The following NKAIN2 variants were observed in gnomAD, a reference collection of about 807,000 sequenced individuals.
NKAIN2 encodes the protein sodium/potassium-transporting ATPase subunit beta-1-interacting protein 2.
A neutral mutation model predicts 32.6 loss-of-function variants in NKAIN2; 14 were observed. That is an observed-to-expected ratio of 0.43 (90% CI 0.28 to 0.67). The LOEUF (loss-of-function observed/expected upper bound fraction) is 0.67. Among genes scored for constraint, NKAIN2 ranks in the 30% least tolerant of loss-of-function variants. The pLI is 0.17. For synonymous variants in NKAIN2, 80 were observed against 87.2 expected, an observed-to-expected ratio of 0.92 and a Z score of 0.46; for missense variants, 198 against 258.3, an observed-to-expected ratio of 0.77 and a Z score of 1.60.
chr6:124,581,001 ATATG>A (rs1004758903), intron 3 of NKAIN2, among the ~76,000 whole-genome samples: 2 of 152,224 alleles, frequency 1.3e-5, no homozygotes, highest in African/African-American at 4.8e-5. Flanking sequence ...GTTTAAATAT[ATATG>A]CACACAACAC....
At chr6:124,362,829 G>T (rs1255299405) in intron 3 of NKAIN2, among the ~76,000 whole-genome samples, 2 of 152,012 alleles carry the variant, frequency 1.3e-5, no homozygotes, top group Non-Finnish European at 2.9e-5. Flanking sequence ...AAAGGAAAAA[G>T]AATTTTATTA....
intron 1 of NKAIN2, among the ~76,000 whole-genome samples, chr6:123,866,373 A>AG (rs1452448925): frequency 6.7e-6 from 1 of 149,896 alleles, no homozygotes. Context: ...TCTCCTTCCT[A>AG]GGCATTTCGA....
intron 3 of NKAIN2, among the ~76,000 whole-genome samples, chr6:124,546,370 A>G (rs940603160): frequency 2.0e-5 from 3 of 152,098 alleles, no homozygotes; most frequent in African/African-American, 4.8e-5. Flanking sequence ...TTGTTGAATA[A>G]TTGCTCTTTA....
intron 3 of NKAIN2, among the ~76,000 whole-genome samples, chr6:124,442,263 T>C (rs1178972193): frequency 6.6e-6 from 1 of 152,062 alleles, no homozygotes; most frequent in Non-Finnish European, 1.5e-5. Context: ...CATGACATGA[T>C]AACCATTGGA....
chr6:123,882,940 G>A (rs963816321), intron 1 of NKAIN2, among the ~76,000 whole-genome samples: 1 of 152,076 alleles, frequency 6.6e-6, no homozygotes, highest in African/African-American at 2.4e-5. Flanking sequence ...CTGGTGAAAC[G>A]GTGAGCCTTC....
chr6:124,459,639 G>A (rs1484350243), intron 3 of NKAIN2, among the ~76,000 whole-genome samples: 1 of 151,778 alleles, frequency 6.6e-6, no homozygotes, highest in Non-Finnish European at 1.5e-5. Flanking sequence ...GATGAGAGAA[G>A]AATGTTGGAG....
At chr6:124,005,151 G>A (rs1780026649) in intron 1 of NKAIN2, among the ~76,000 whole-genome samples, 1 of 152,084 alleles carries the variant, frequency 6.6e-6, no homozygotes, top group South Asian at 2.1e-4. Flanking sequence ...CTTGAATCTG[G>A]GAGGTGGAGG....
chr6:124,321,124 T>C (rs1177769533), intron 2 of NKAIN2, among the ~76,000 whole-genome samples: 1 of 152,162 alleles, frequency 6.6e-6, no homozygotes, highest in Non-Finnish European at 1.5e-5. Flanking sequence ...AATAAGTATT[T>C]TCACTGAAAT....
intron 1 of NKAIN2, among the ~76,000 whole-genome samples, chr6:123,841,179 G>A (rs771658832): frequency 2.4e-4 from 36 of 152,300 alleles, no homozygotes; most frequent in Non-Finnish European, 4.7e-4. Flanking sequence ...AGAAAAAGAA[G>A]CTTAAACATC....
At chr6:124,707,866 T>C (rs1175564016) in intron 4 of NKAIN2, among the ~76,000 whole-genome samples, 1 of 152,228 alleles carries the variant, frequency 6.6e-6, no homozygotes, top group Non-Finnish European at 1.5e-5. Context: ...TCTGTGAATT[T>C]TGTCTTTTGT....
chr6:124,027,680 A>T (rs901367667), intron 1 of NKAIN2, among the ~76,000 whole-genome samples: 3 of 151,998 alleles, frequency 2.0e-5, no homozygotes, highest in African/African-American at 7.2e-5. Context: ...CTTTTGATAC[A>T]TCTCTTTCAC....
chr6:124,418,192 G>A (rs1774581720), intron 3 of NKAIN2, among the ~76,000 whole-genome samples: 1 of 151,980 alleles, frequency 6.6e-6, no homozygotes, highest in Non-Finnish European at 1.5e-5. Context: ...GTGTGTGTGT[G>A]TTTGTATGGT....
chr6:124,567,505 G>A (rs1780963730), intron 3 of NKAIN2, among the ~76,000 whole-genome samples: 2 of 152,176 alleles, frequency 1.3e-5, no homozygotes, highest in South Asian at 4.1e-4. Context: ...CTCCGTGAGG[G>A]TAGGGACCAT....
At chr6:123,892,723 G>A (rs1414280763) in intron 1 of NKAIN2, among the ~76,000 whole-genome samples, 3 of 151,764 alleles carry the variant, frequency 2.0e-5, no homozygotes, top group Non-Finnish European at 4.4e-5. Context: ...AACAAATGTA[G>A]ATTTGTATCT....
At chr6:124,222,627 A>G (rs1791893411) in intron 1 of NKAIN2, among the ~76,000 whole-genome samples, 1 of 152,152 alleles carries the variant, frequency 6.6e-6, no homozygotes, top group Admixed American at 6.5e-5. Flanking sequence ...GTCAGGTGAT[A>G]TCACCCAGAA....
intron 4 of NKAIN2, among the ~76,000 whole-genome samples, chr6:124,700,173 T>A (rs1012210915): frequency 1.3e-5 from 2 of 152,184 alleles, no homozygotes; most frequent in African/African-American, 2.4e-5. Context: ...TGAGTGACTC[T>A]AATTATTGTT....
At chr6:124,118,015 A>AT (rs1016585948) in intron 1 of NKAIN2, among the ~76,000 whole-genome samples, 7 of 151,884 alleles carry the variant, frequency 4.6e-5, no homozygotes, top group Non-Finnish European at 1.0e-4. Context: ...ATAGCTGCAG[A>AT]TTTTTTTCAA....
At chr6:124,311,455 G>A (rs1796710251) in intron 2 of NKAIN2, among the ~76,000 whole-genome samples, 1 of 152,010 alleles carries the variant, frequency 6.6e-6, no homozygotes, top group Non-Finnish European at 1.5e-5. Context: ...ATATGCTTCT[G>A]GGCCACCCTG....
At chr6:124,473,306 G>A (rs901719185) in intron 3 of NKAIN2, among the ~76,000 whole-genome samples, 1 of 152,194 alleles carries the variant, frequency 6.6e-6, no homozygotes, top group Non-Finnish European at 1.5e-5. Flanking sequence ...GAGGTGGCCA[G>A]GCTTCTGTAA....
Sources: allele counts gnomAD v4.1 joint callset (sites outside exome capture counted in the v4.1 genomes callset), GRCh38; gene constraint gnomAD v4.1.1; transcripts MANE v1.5; gene names NCBI Gene and HGNC (gene_info 2026-07-23, HGNC 2026-07-21).